GASK1B: variants seen among roughly 807,000 people sequenced by gnomAD.
The protein encoded by GASK1B is golgi associated kinase 1B.
Under a neutral mutation model 42.8 loss-of-function variants are expected in GASK1B, and 34 were observed. That is an observed-to-expected ratio of 0.79 (90% CI 0.60 to 1.06). The LOEUF is 1.06. GASK1B is among the 50% of genes least tolerant of loss of function. The pLI is 0.00. For synonymous variants in GASK1B, 262 were observed against 259.1 expected, an observed-to-expected ratio of 1.01 and a Z score of -0.11; for missense variants, 686 against 661.0, an observed-to-expected ratio of 1.04 and a Z score of -0.42.
At chr4:158,146,409 TCTTA>T (rs201449881) in intron 3 of GASK1B, among the ~76,000 whole-genome samples, 1,842 of 152,268 alleles carry the variant, frequency 0.012, 31 homozygotes, top group African/African-American at 0.041. Flanking sequence ...TTTATTTAAT[TCTTA>T]CTTATTTCTA....
rs1356665211 is a variant in GASK1B, at chr4:158,143,319, T to C, written c.1125+12292A>G. ...GTCTTCTTTTGCATATGTTTAATTT[T>C]CCATAATAATTTTTTAATGTTCTAA... On this transcript the variant is annotated intron_variant, in intron 3 of 4. Transcript: ENST00000585682. Among the ~76,000 whole-genome samples the C allele has an allele frequency of 3.9e-5, 6 of 152,228 alleles. No homozygotes were observed. The South Asian group carries it at 1.2e-3, about 32-fold the overall frequency.
At chr4:158,144,826 G>A (rs1731268381) in intron 3 of GASK1B, among the ~76,000 whole-genome samples, 1 of 152,058 alleles carries the variant, frequency 6.6e-6, no homozygotes, top group Admixed American at 6.6e-5. Flanking sequence ...TATTTCATTC[G>A]TTTGCTTGAA....
At chr4:158,152,484 A>G (rs1284003374) in intron 3 of GASK1B, among the ~76,000 whole-genome samples, 3 of 152,104 alleles carry the variant, frequency 2.0e-5, no homozygotes, top group Non-Finnish European at 4.4e-5. Context: ...AATCATCCCT[A>G]TATCATTCTA....
chr4:158,158,599 C>T (rs948923636), intron 2 of GASK1B, among the ~76,000 whole-genome samples: 1 of 151,838 alleles, frequency 6.6e-6, no homozygotes, highest in Admixed American at 6.6e-5. Flanking sequence ...AATTGTAATG[C>T]AATAATCTAG....
chr4:158,168,166 T>C (rs1377224957), intron 2 of GASK1B, among the ~76,000 whole-genome samples: 2 of 152,186 alleles, frequency 1.3e-5, no homozygotes, highest in Non-Finnish European at 2.9e-5. Flanking sequence ...GATATAATCT[T>C]AGGGATTTTA....
chr4:158,169,080 C>T (rs1255445989), intron 2 of GASK1B: 1 of 152,162 alleles, frequency 6.6e-6, no homozygotes, highest in Non-Finnish European at 1.5e-5. Flanking sequence ...ATTACTTTGT[C>T]TCAATAAGCC....
intron 4 of GASK1B, among the ~76,000 whole-genome samples, chr4:158,128,451 C>T (rs1291892943): frequency 1.3e-5 from 2 of 152,172 alleles, no homozygotes; most frequent in Non-Finnish European, 2.9e-5. Flanking sequence ...AGATCAAAAA[C>T]ATAAGTAATA....
In GASK1B at chr4:158,126,840, T is replaced by C. The variant is rs901886156; in HGVS notation, c.*567A>G. On this transcript the variant is annotated 3_prime_UTR_variant, in exon 5 of 5. Transcript: ENST00000585682. ...TTTATAGACACAATAGAAAATATACTGGTGATTTTGCAAATAAACCAGCAT... is the reference window on the plus strand; with the variant it reads ...TTTATAGACACAATAGAAAATATACCGGTGATTTTGCAAATAAACCAGCAT... 2 of 152,202 alleles carry C rather than the reference T, an allele frequency of 1.3e-5. No homozygotes were observed. Among genetic ancestry groups the C allele is most frequent in the Non-Finnish European group, 2.9e-5 (2 of 68,034 alleles). The allele number at this position is 152,202 out of a possible 1,614,324, so 9.4% of individuals were successfully genotyped here.
intron 1 of GASK1B, chr4:158,172,154 T>TTCTC (rs543338035): frequency 1.3e-5 from 2 of 150,732 alleles, no homozygotes; most frequent in African/African-American, 2.4e-5. Context: ...TTTATTCTGT[T>TTCTC]TCTCTCTCTC....
intron 2 of GASK1B, chr4:158,169,562 T>C (rs1471308916): frequency 6.6e-6 from 1 of 152,238 alleles, no homozygotes; most frequent in African/African-American, 2.4e-5. Flanking sequence ...AAGTATCCTT[T>C]CAGCTTATAA....
intron 3 of GASK1B, among the ~76,000 whole-genome samples, chr4:158,146,844 C>G (rs1040289297): frequency 2.0e-5 from 3 of 152,172 alleles, no homozygotes; most frequent in African/African-American, 7.2e-5. Flanking sequence ...TCTTTGTCAT[C>G]CTAATGGAGG....
chr4:158,150,736 A>G (rs1032224826), intron 3 of GASK1B, among the ~76,000 whole-genome samples: 19 of 152,230 alleles, frequency 1.2e-4, no homozygotes, highest in Non-Finnish European at 2.4e-4. Context: ...GATAATGCAT[A>G]TATAATGCTT....
chr4:158,136,460 G>A (rs184517133), intron 3 of GASK1B, among the ~76,000 whole-genome samples: 1,733 of 152,194 alleles, frequency 0.011, 21 homozygotes, highest in Non-Finnish European at 0.018. Flanking sequence ...AAGGCAAGTG[G>A]GTAGGGCATC....
At chr4:158,154,808 AG>A (rs1169492597) in intron 3 of GASK1B, among the ~76,000 whole-genome samples, 1 of 152,184 alleles carries the variant, frequency 6.6e-6, no homozygotes, top group East Asian at 1.9e-4. Flanking sequence ...CTAAGCTATG[AG>A]GATGCAAAGG....
rs1455599213 is a variant in GASK1B at position 158,171,177 on chromosome 4, C to T, written c.199G>A (p.Glu67Lys). 2 of 1,612,164 alleles carry T rather than the reference C, an allele frequency of 1.2e-6. No individual in the cohort carries two copies. Among genetic ancestry groups the T allele is most frequent in the African/African-American group, 1.3e-5 (1 of 74,922 alleles). ...RASLQHGQAAEKGPHRSRDTA... is the reference protein window; with the variant it reads ...RASLQHGQAAKKGPHRSRDTA... ...TCGCGGCTGCGATGTGGCCCCTTCT[C>T]AGCCGCCTGTCCATGCTGGAGAGAG... Residue 67 changes from glutamate (E) to lysine (K), a missense_variant, in exon 2 of 5, where the codon GAG (glutamate) becomes AAG (lysine). By Grantham distance (56) the Glu-to-Lys change is moderately conservative. Coordinates refer to ENST00000585682, the MANE Select transcript of GASK1B (RefSeq NM_001128424.2).
chr4:158,165,558 C>A (rs1732198436), intron 2 of GASK1B, among the ~76,000 whole-genome samples: 1 of 151,916 alleles, frequency 6.6e-6, no homozygotes, highest in African/African-American at 2.4e-5. Context: ...ATCAATACTG[C>A]ACTTGAGTAA....
At chr4:158,130,259 G>T (rs544918835) in intron 4 of GASK1B, among the ~76,000 whole-genome samples, 2 of 152,226 alleles carry the variant, frequency 1.3e-5, no homozygotes, top group South Asian at 4.1e-4. Flanking sequence ...AAATCCACCT[G>T]CTGAATTCTA....
At chr4:158,167,031 T>C (rs1487178163) in intron 2 of GASK1B, 1 of 152,186 alleles carries the variant, frequency 6.6e-6, no homozygotes, top group South Asian at 2.1e-4. Context: ...CATAGGATTC[T>C]CAGAAAAATT....
At chr4:158,144,137 C>A (rs544762049) in intron 3 of GASK1B, among the ~76,000 whole-genome samples, 1 of 152,186 alleles carries the variant, frequency 6.6e-6, no homozygotes, top group East Asian at 1.9e-4. Flanking sequence ...ACATATAAAG[C>A]AATGAACACA....
Sources: gnomAD v4.1 joint callset for allele counts (sites outside exome capture counted in the v4.1 genomes callset) on GRCh38, gnomAD v4.1.1 for gene constraint, MANE v1.5 for transcripts, NCBI Gene and HGNC (gene_info 2026-07-23, HGNC 2026-07-21) for gene names.